The following WWP1 variants were observed in gnomAD, a reference collection of about 807,000 sequenced individuals.
WWP1 encodes the protein NEDD4-like E3 ubiquitin-protein ligase WWP1.
In WWP1, 49 loss-of-function variants were observed where a neutral mutation model predicts 130.6. The observed-to-expected ratio is 0.38, with a 90% CI of 0.30 to 0.48. WWP1 has a LOEUF of 0.48. Among genes scored for constraint, WWP1 ranks in the 20% least tolerant of loss-of-function variants. WWP1 has a pLI of 0.99. For missense variants in WWP1, 809 were observed against 1,100.6 expected, an observed-to-expected ratio of 0.74 and a Z score of 3.75; for synonymous variants, 332 against 367.8, an observed-to-expected ratio of 0.90 and a Z score of 1.11.
chr8:86,361,493 T>A (rs1823593394), intron 1 of WWP1, among the ~76,000 whole-genome samples: 1 of 152,126 alleles, frequency 6.6e-6, no homozygotes, highest in Non-Finnish European at 1.5e-5. Flanking sequence ...AATGTAGTGG[T>A]TCTGTATGGC....
chr8:86,438,279 G>A (rs1365134635), intron 16 of WWP1, among the ~76,000 whole-genome samples: 2 of 152,180 alleles, frequency 1.3e-5, no homozygotes, highest in African/African-American at 4.8e-5. Flanking sequence ...TGGCCTTGTT[G>A]TCTCAGGGGT....
chr8:86,372,474 G>T (rs1824378405), intron 2 of WWP1, among the ~76,000 whole-genome samples: 1 of 152,158 alleles, frequency 6.6e-6, no homozygotes, highest in Non-Finnish European at 1.5e-5. Flanking sequence ...TGGTTAGTAT[G>T]CCCCTGTCTC....
chr8:86,401,253 G>A (rs1044059393), intron 7 of WWP1, among the ~76,000 whole-genome samples: 2 of 151,744 alleles, frequency 1.3e-5, no homozygotes, highest in African/African-American at 4.8e-5. Context: ...TATTTTTCAA[G>A]ATTTAATAAA....
chr8:86,404,653 G>T (rs941964451), intron 8 of WWP1, among the ~76,000 whole-genome samples: 4 of 152,142 alleles, frequency 2.6e-5, no homozygotes. Flanking sequence ...AGTGATAATA[G>T]CTCATATTTG....
chr8:86,445,311 A>G (rs1454417544), intron 18 of WWP1, among the ~76,000 whole-genome samples: 1 of 152,114 alleles, frequency 6.6e-6, no homozygotes, highest in Non-Finnish European at 1.5e-5. Context: ...GTAGTACCCA[A>G]TAGGTAGTTT....
chr8:86,397,293 G>C (rs901180666), intron 5 of WWP1, among the ~76,000 whole-genome samples: 5 of 152,264 alleles, frequency 3.3e-5, no homozygotes, highest in African/African-American at 1.2e-4. Context: ...AGTGATCACT[G>C]ATAACTTTCT....
At chr8:86,433,204 G>A (rs1317149974) in intron 14 of WWP1, among the ~76,000 whole-genome samples, 2 of 147,274 alleles carry the variant, frequency 1.4e-5, no homozygotes, top group Admixed American at 6.7e-5. Flanking sequence ...TTATTTTGTC[G>A]AGTCCTCCTT....
chr8:86,377,725 TTAGA>T (rs1333894437), intron 3 of WWP1, among the ~76,000 whole-genome samples: 10 of 152,292 alleles, frequency 6.6e-5, no homozygotes, highest in Non-Finnish European at 1.2e-4. Flanking sequence ...CTTCGATATT[TTAGA>T]TTTTAGACTT....
At chr8:86,376,345 G>C (rs1194612945) in intron 3 of WWP1, among the ~76,000 whole-genome samples, 1 of 152,098 alleles carries the variant, frequency 6.6e-6, no homozygotes, top group Non-Finnish European at 1.5e-5. Context: ...GAGGCAGGTG[G>C]ATCACGTGAG....
intron 8 of WWP1, among the ~76,000 whole-genome samples, chr8:86,409,589 G>A (rs182351995): frequency 1.4e-4 from 21 of 151,412 alleles, no homozygotes; most frequent in African/African-American, 5.1e-4. Context: ...GCTGGGCACA[G>A]TGGCTCATGC....
rs548061738 is a variant in WWP1, at chr8:86,373,751, C to T, written c.-21-279C>T. 1.0e-3 allele frequency among the ~76,000 whole-genome samples: 155 copies of T among 152,286 alleles called. 1 individual carries two copies. The highest frequency in any genetic ancestry group is 2.5e-3 in the South Asian group (12 of 4,826). On this transcript the variant is annotated intron_variant, in intron 2 of 24. Coordinates refer to ENST00000517970, the MANE Select transcript of WWP1 (RefSeq NM_007013.4). ...CCCTTTGCTTGGTATGGGAATCTCA[C>T]TCCTTCCCCTTGTAGCAGGCCCAGT...
chr8:86,366,306 G>T (rs528624135), intron 1 of WWP1, among the ~76,000 whole-genome samples: 58 of 152,352 alleles, frequency 3.8e-4, no homozygotes, highest in African/African-American at 1.4e-3. Context: ...TGCAGAGGCT[G>T]TGATGGCTTG....
chr8:86,398,665 G>A lies in WWP1; in HGVS notation c.539+27G>A, dbSNP rs201087938. The A allele has an allele frequency of 3.5e-5, 56 of 1,606,216 alleles. No homozygotes were observed. In the African/African-American group the frequency reaches 5.8e-4, roughly 17 times the overall value. ...TAGAATATTTTATTTGAATATGGGT[G>A]GCGACATGATGTGGAACATATTTCC... On this transcript the variant is annotated intron_variant, in intron 7 of 24. Coordinates refer to ENST00000517970, the MANE Select transcript of WWP1 (RefSeq NM_007013.4).
chr8:86,444,459 A>G (rs1435566629), intron 18 of WWP1, among the ~76,000 whole-genome samples: 1 of 152,234 alleles, frequency 6.6e-6, no homozygotes, highest in Non-Finnish European at 1.5e-5. Flanking sequence ...TTAAAAGGCA[A>G]TATGATTGTT....
chr8:86,381,012 T>TA lies in WWP1; in HGVS notation c.209+151dup. 5.4e-6 allele frequency: 6 copies of TA among 1,110,160 alleles called. No individual in the cohort carries two copies. The South Asian group carries it at 7.8e-5, about 14-fold the overall frequency. The allele number at this position is 1,110,160 out of a possible 1,614,324, so 68.8% of individuals were successfully genotyped here. ...TTTAAAGTATGGAGAAATTTTTGGT[T>TA]AAATTTTTTTTTTAAGGGGAGGATG... On this transcript the variant is annotated intron_variant, in intron 4 of 24. Transcript: ENST00000517970.
intron 8 of WWP1, among the ~76,000 whole-genome samples, chr8:86,410,704 C>CTT (rs11422497): frequency 0.011 from 1,473 of 137,778 alleles, 21 homozygotes; most frequent in Middle Eastern, 0.03. Flanking sequence ...CTTCTACTTA[C>CTT]TTTTTTTTTT....
At chr8:86,444,264 G>T (rs1810744934) in intron 18 of WWP1, among the ~76,000 whole-genome samples, 1 of 152,184 alleles carries the variant, frequency 6.6e-6, no homozygotes, top group Admixed American at 6.5e-5. Context: ...AATATTTATG[G>T]CCAGCTTGTC....
chr8:86,437,965 A>C (rs771428503), intron 16 of WWP1, among the ~76,000 whole-genome samples: 1 of 151,854 alleles, frequency 6.6e-6, no homozygotes, highest in Non-Finnish European at 1.5e-5. Flanking sequence ...ACGCCTGGCT[A>C]ACTTTTTGTA....
intron 24 of WWP1, among the ~76,000 whole-genome samples, chr8:86,462,821 A>G (rs1287306160): frequency 6.6e-6 from 1 of 152,116 alleles, no homozygotes; most frequent in African/African-American, 2.4e-5. Flanking sequence ...GCACAAATCA[A>G]GGCAGTGGCA....
Sources: allele counts gnomAD v4.1 joint callset (sites outside exome capture counted in the v4.1 genomes callset), GRCh38; gene constraint gnomAD v4.1.1; transcripts MANE v1.5; gene names NCBI Gene and HGNC (gene_info 2026-07-23, HGNC 2026-07-21).